Variants in SMAD6 observed in about 807,000 individuals in gnomAD.
SMAD6 encodes the protein MAD homolog 6.
Under a neutral mutation model 39.4 loss-of-function variants are expected in SMAD6, and 103 were observed. The ratio of observed to expected loss-of-function variants is 2.62; its 90% CI spans 2.23 to 3.08. SMAD6 has a LOEUF of 3.08. SMAD6 is among the 30% of genes most tolerant of loss of function. SMAD6 has a pLI of 0.00. For missense variants in SMAD6, 1,104 were observed against 742.9 expected (o/e 1.49, Z -5.65); for synonymous variants, 445 against 353.3 (o/e 1.26, Z -2.91).
In SMAD6 at chr15:66,704,033, G is replaced by A. The variant is rs767088853; in HGVS notation, c.775G>A (p.Val259Met). The change falls in exon 1 of 4, where the codon GTG (valine) becomes ATG (methionine). Residue 259 changes from valine (V) to methionine (M), a missense_variant. Coordinates refer to ENST00000288840, the MANE Select transcript of SMAD6 (RefSeq NM_005585.5). ...CGCCGCCGCCGCCGACGGCCCTACCGTGTGCTGCAACCCCTACCACTTCAG... is the reference window on the plus strand; with the variant it reads ...CGCCGCCGCCGCCGACGGCCCTACCATGTGCTGCAACCCCTACCACTTCAG... ...SFAAAADGPT[V>M]CCNPYHFSRL... 1.3e-6 allele frequency: 2 copies of A among 1,513,406 alleles called. No homozygotes were observed. The highest frequency in any genetic ancestry group is 1.8e-6 in the Non-Finnish European group (2 of 1,140,232). The allele number at this position is 1,513,406 out of a possible 1,614,324, so 93.7% of individuals were successfully genotyped here. A position where few individuals can be genotyped will look rare whatever the true frequency, so the allele number is the denominator to read the frequency against.
rs138206288 is a variant in SMAD6, at chr15:66,716,557, C to T, written c.952+59C>T. The T allele has an allele frequency of 1.3e-3, 1,680 of 1,251,078 alleles. 16 individuals are homozygous for T. The African/African-American group carries it at 0.021, about 16-fold the overall frequency. 77.5% of individuals were successfully genotyped at this position (1,251,078 alleles called of 1,614,324 possible). ...TGAAATTTATCGAAGGGGACAGCTG[C>T]GGAGGGGGCTTGGTGGAAGACTTTT... is the stretch of plus-strand genomic sequence containing the variant. On this transcript the variant is annotated intron_variant, in intron 3 of 3. Coordinates refer to ENST00000288840, the MANE Select transcript of SMAD6 (RefSeq NM_005585.5).
intron 3 of SMAD6, among the ~76,000 whole-genome samples, chr15:66,766,397 G>A (rs1894289019): frequency 6.6e-6 from 1 of 152,174 alleles, no homozygotes; most frequent in African/African-American, 2.4e-5. Context: ...CCCTGGGTTT[G>A]GATTGGGGCT....
intron 2 of SMAD6, 36 bp downstream of exon 2, chr15:66,711,760 T>A: frequency 6.5e-7 from 1 of 1,541,266 alleles, no homozygotes; most frequent in Non-Finnish European, 9.0e-7. Flanking sequence ...TGCAGAGGTG[T>A]GTCCCGAACT....
intron 3 of SMAD6, among the ~76,000 whole-genome samples, chr15:66,717,855 C>T (rs566508164): frequency 1.3e-5 from 2 of 152,260 alleles, no homozygotes; most frequent in East Asian, 3.9e-4. Context: ...AGGGTACTTC[C>T]TTCTCTAATA....
At chr15:66,727,252 G>A (rs111475725) in intron 3 of SMAD6, among the ~76,000 whole-genome samples, 4,234 of 152,004 alleles carry the variant, frequency 0.028, 211 homozygotes, top group African/African-American at 0.097. Context: ...ACAAGCGTGC[G>A]CCACCATGCC....
intron 3 of SMAD6, among the ~76,000 whole-genome samples, chr15:66,723,275 A>C (rs979756966): frequency 6.6e-6 from 1 of 152,224 alleles, no homozygotes; most frequent in African/African-American, 2.4e-5. Flanking sequence ...CAACTGACTC[A>C]TCAGAGGTAA....
At chr15:66,717,181 T>A in intron 3 of SMAD6, 1 of 1,273,636 alleles carries the variant, frequency 7.9e-7, no homozygotes, top group East Asian at 5.6e-5. Flanking sequence ...AGGACCAAGG[T>A]CTGTGGGGCC....
intron 3 of SMAD6, among the ~76,000 whole-genome samples, chr15:66,754,275 T>A (rs1894059180): frequency 6.6e-6 from 1 of 152,198 alleles, no homozygotes. Context: ...AGGTCAGACC[T>A]TTGCCTGGCT....
chr15:66,769,077 G>T (rs952374083), intron 3 of SMAD6, among the ~76,000 whole-genome samples: 9 of 152,192 alleles, frequency 5.9e-5, no homozygotes, highest in African/African-American at 2.2e-4. Flanking sequence ...ACAAGTATTA[G>T]GGAATGGGGA....
At position 66,746,109 on chromosome 15, in the gene SMAD6, G is replaced by A. The variant is rs187068872; in HGVS notation, c.952+29611G>A. Among the ~76,000 whole-genome samples the A allele has an allele frequency of 3.5e-4, 53 of 152,328 alleles. No homozygotes were observed. The South Asian group carries it at 4.1e-3, about 12-fold the overall frequency. On this transcript the variant is annotated intron_variant, in intron 3 of 3. Coordinates refer to ENST00000288840, the MANE Select transcript of SMAD6 (RefSeq NM_005585.5). The stretch of plus-strand genomic sequence containing the variant: ...GGGGAGATGGAGCAGGCTGGCACTG[G>A]GCTCACCAGCCTCTGCCCACCCCTT...
chr15:66,741,994 C>T (rs1450343194), intron 3 of SMAD6, among the ~76,000 whole-genome samples: 1 of 152,194 alleles, frequency 6.6e-6, no homozygotes, highest in African/African-American at 2.4e-5. Flanking sequence ...AGGAGGAAGC[C>T]AGACTGGGGG....
intron 3 of SMAD6, among the ~76,000 whole-genome samples, chr15:66,762,779 G>T (rs1894222950): frequency 1.3e-5 from 2 of 152,132 alleles, no homozygotes; most frequent in Admixed American, 1.3e-4. Context: ...CATGGTGTCT[G>T]TGGAAGAATG....
chr15:66,765,669 CATTTCACAGA>C (rs995015126), intron 3 of SMAD6, among the ~76,000 whole-genome samples: 3 of 152,176 alleles, frequency 2.0e-5, no homozygotes, highest in Admixed American at 6.5e-5. Flanking sequence ...AAGATCTCCC[CATTTCACAGA>C]CAAGAGAAAC....
intron 1 of SMAD6, among the ~76,000 whole-genome samples, chr15:66,710,965 G>C (rs1444339020): frequency 6.6e-6 from 1 of 152,148 alleles, no homozygotes; most frequent in African/African-American, 2.4e-5. Flanking sequence ...CCTTTCTACT[G>C]TCCTCCCCTG....
chr15:66,703,560 GGA>G lies in SMAD6; in HGVS notation c.304_305del (p.Ser102LeufsTer18). 8.2e-7 allele frequency: 1 copy of G among 1,223,390 alleles called. No individual in the cohort carries two copies. Among genetic ancestry groups the G allele is most frequent in the South Asian group, 4.1e-5 (1 of 24,418 alleles). 75.8% of individuals were successfully genotyped at this position (1,223,390 alleles called of 1,614,324 possible). A position where few individuals can be genotyped will look rare whatever the true frequency, so the allele number is the denominator to read the frequency against. On this transcript the variant is annotated frameshift_variant, in exon 1 of 4. Transcript: ENST00000288840. LOFTEE classifies it high-confidence loss of function. ...ATGTCGGAGCCAGGGGCCGGCGCTGGGAGCTCCCTGCTGGACGTGGCGGAGCC... is the reference window on the plus strand; with the variant it reads ...ATGTCGGAGCCAGGGGCCGGCGCTGGGCTCCCTGCTGGACGTGGCGGAGCC...
chr15:66,720,250 T>TC (rs966400932), intron 3 of SMAD6, among the ~76,000 whole-genome samples: 11 of 150,130 alleles, frequency 7.3e-5, no homozygotes, highest in African/African-American at 2.2e-4. Context: ...TTTTTTTTTT[T>TC]CAACTTTAAA....
At chr15:66,737,759 G>T (rs1464545555) in intron 3 of SMAD6, among the ~76,000 whole-genome samples, 1 of 151,866 alleles carries the variant, frequency 6.6e-6, no homozygotes, top group African/African-American at 2.4e-5. Flanking sequence ...CCAGCTTCAG[G>T]CCTGGGGAGG....
chr15:66,763,751 G>C (rs999603923), intron 3 of SMAD6, among the ~76,000 whole-genome samples: 1 of 152,352 alleles, frequency 6.6e-6, no homozygotes. Context: ...GGCTGTCCTT[G>C]GTTTACCTAC....
intron 3 of SMAD6, among the ~76,000 whole-genome samples, chr15:66,724,932 G>A (rs1893496126): frequency 6.6e-6 from 1 of 152,200 alleles, no homozygotes; most frequent in African/African-American, 2.4e-5. Flanking sequence ...CCGGCAGGTT[G>A]TCTGAGGAGA....
Sources: allele counts gnomAD v4.1 joint callset (sites outside exome capture counted in the v4.1 genomes callset), GRCh38; gene constraint gnomAD v4.1.1; transcripts MANE v1.5; gene names NCBI Gene and HGNC (gene_info 2026-07-23, HGNC 2026-07-21).